Variants in GGT7 observed in about 807,000 individuals in gnomAD.
GGT7 encodes the protein gamma-glutamyltransferase 7, also known as glutathione hydrolase 7.
GGT7 carries 30 observed loss-of-function variants against 69.2 expected under a neutral mutation model. That is an observed-to-expected ratio of 0.43 (90% CI 0.32 to 0.59). The LOEUF (loss-of-function observed/expected upper bound fraction) is 0.59. Among genes scored for constraint, GGT7 ranks in the 20% least tolerant of loss-of-function variants. GGT7 has a pLI of 0.05. For missense variants in GGT7, 733 were observed against 901.1 expected (o/e 0.81, Z 2.39); for synonymous variants, 388 against 391.8 (o/e 0.99, Z 0.12).
chr20:34,860,723 G>A (rs1345527636), intron 4 of GGT7, among the ~76,000 whole-genome samples: 1 of 145,504 alleles, frequency 6.9e-6, no homozygotes, highest in Non-Finnish European at 1.5e-5. Flanking sequence ...TCCAACTCCT[G>A]GGCTCAAGTC....
At chr20:34,850,728 C>G in intron 13 of GGT7, 1 of 410,366 alleles carries the variant, frequency 2.4e-6, no homozygotes, top group Non-Finnish European at 4.9e-6. Flanking sequence ...ATTGGTAGCA[C>G]TTGGGCCGGA....
rs1437016931 is a variant in GGT7 at position 34,863,226 on chromosome 20, A to T, written c.405+87T>A. 1 of 1,037,782 alleles carries T rather than the reference A, an allele frequency of 9.6e-7. No homozygotes were observed. The highest frequency in any genetic ancestry group is 1.4e-6 in the Non-Finnish European group (1 of 697,748). The allele number at this position is 1,037,782 out of a possible 1,614,324, so 64.3% of individuals were successfully genotyped here. The stretch of plus-strand genomic sequence containing the variant: ...CACCCTCTCTCCCCTTCTACCACTC[A>T]GCCATTCCCCAGTTTCCACAGTTCC... On this transcript the variant is annotated intron_variant, in intron 2 of 14. Transcript: ENST00000336431. The surrounding 1 kb of genome is among the most constrained non-coding windows in gnomAD (Gnocchi z 4.4).
Position 34,872,332 on chromosome 20 carries a change from T to C in GGT7, c.169+315A>G, listed in dbSNP as rs1045891429. The stretch of plus-strand genomic sequence containing the variant: ...TCTGTGGCTAGAGAAAGCCCTCTTC[T>C]GGGTGATCACAGCGGTTCCTTAGGA... On this transcript the variant is annotated intron_variant, in intron 1 of 14. Transcript: ENST00000336431. 1.7e-5 allele frequency: 4 copies of C among 230,792 alleles called. No homozygotes were observed. The East Asian group carries it at 2.5e-4, about 14-fold the overall frequency. 14.3% of individuals were successfully genotyped at this position (230,792 alleles called of 1,614,324 possible).
intron 7 of GGT7, among the ~76,000 whole-genome samples, chr20:34,859,058 TA>T (rs1342116388): frequency 6.6e-6 from 1 of 151,972 alleles, no homozygotes; most frequent in Non-Finnish European, 1.5e-5. Context: ...TAATCCCAGT[TA>T]CTCGGGAGGC....
Position 34,845,287 on chromosome 20 carries a change from T to G in GGT7, c.*41A>C, listed in dbSNP as rs768554178. 2 of 1,573,394 alleles carry G rather than the reference T, an allele frequency of 1.3e-6. No homozygotes were observed. Among genetic ancestry groups the G allele is most frequent in the Non-Finnish European group, 1.7e-6 (2 of 1,155,906 alleles). ...GGGAGAAGGAGGGACTCTGGGAACA[T>G]GCAAAGTGGGGGAGCAGAGACCCCG... is the stretch of plus-strand genomic sequence containing the variant. On this transcript the variant is annotated 3_prime_UTR_variant, in exon 15 of 15. Transcript: ENST00000336431.
Position 34,860,341 on chromosome 20 carries a change from G to A in GGT7, c.676-20C>T, listed in dbSNP as rs1382336747. On this transcript the variant is annotated intron_variant, in intron 4 of 14. Transcript: ENST00000336431. Reference sequence around the variant, plus strand: ...CCCAGGCTGGGCAAGGCGGGTAGGCGAGGGAGAGAGGAGACCAGGTCACTG... The same window carrying A: ...CCCAGGCTGGGCAAGGCGGGTAGGCAAGGGAGAGAGGAGACCAGGTCACTG... 3.8e-6 allele frequency: 6 copies of A among 1,597,536 alleles called. No individual in the cohort carries two copies. Among genetic ancestry groups the A allele is most frequent in the East Asian group, 2.2e-5 (1 of 44,780 alleles).
At chr20:34,852,577 C>T in intron 10 of GGT7, 39 bp from the exon 11 acceptor site, 1 of 1,537,320 alleles carries the variant, frequency 6.5e-7, no homozygotes, top group Non-Finnish European at 8.7e-7. Flanking sequence ...AAACAACAGG[C>T]TCTCAATACA....
intron 13 of GGT7, chr20:34,850,724 A>G (rs900795810): frequency 5.0e-6 from 2 of 401,090 alleles, no homozygotes; most frequent in African/African-American, 4.1e-5. Flanking sequence ...ACAAATTGGT[A>G]GCACTTGGGC....
intron 1 of GGT7, among the ~76,000 whole-genome samples, chr20:34,865,764 C>T (rs2079680363): frequency 6.6e-6 from 1 of 152,206 alleles, no homozygotes; most frequent in Non-Finnish European, 1.5e-5. Context: ...TTGACCAGGG[C>T]TGAGACCCTC....
At position 34,851,248 on chromosome 20, in the gene GGT7, G is replaced by A; in HGVS notation, c.1708C>T (p.Leu570Phe). The A allele has an allele frequency of 6.2e-7, 1 of 1,613,618 alleles. No homozygotes were observed. The highest frequency in any genetic ancestry group is 8.5e-7 in the Non-Finnish European group (1 of 1,179,996). The change falls in exon 13 of 15, where the codon CTC (leucine) becomes TTC (phenylalanine). Residue 570 changes from leucine to phenylalanine, a missense_variant. By Grantham distance (22) the Leu-to-Phe change is conservative. Coordinates refer to ENST00000336431, the MANE Select transcript of GGT7 (RefSeq NM_178026.3). ...AACCTCACCTGTGTCAGGCCGCTGA[G>A]GCCCCGCGCAGCTCCATTGGCCCCC... ...ALGANGAARG[L>F]SGLTQVLLNV...
At chr20:34,865,848 G>C (rs1334997178) in intron 1 of GGT7, among the ~76,000 whole-genome samples, 1 of 152,184 alleles carries the variant, frequency 6.6e-6, no homozygotes, top group East Asian at 1.9e-4. Flanking sequence ...AAAGGTCCTA[G>C]GTGTTTGTGA....
chr20:34,869,423 T>G lies in GGT7; in HGVS notation c.169+3224A>C, dbSNP rs2079745114. 3.3e-5 allele frequency among the ~76,000 whole-genome samples: 5 copies of G among 152,210 alleles called. 1 individual carries two copies. The South Asian group carries it at 1.0e-3, about 32-fold the overall frequency. ...CTGAGCTCAAGCAATCTGCCCACCTTAGCCTCCCAAAATGCTGGGATTACA... is the reference window on the plus strand; with the variant it reads ...CTGAGCTCAAGCAATCTGCCCACCTGAGCCTCCCAAAATGCTGGGATTACA... On this transcript the variant is annotated intron_variant, in intron 1 of 14. Coordinates refer to ENST00000336431, the MANE Select transcript of GGT7 (RefSeq NM_178026.3).
At chr20:34,860,693 A>G (rs6120746) in intron 4 of GGT7, among the ~76,000 whole-genome samples, 97,058 of 143,572 alleles carry the variant, frequency 0.68, 33,796 homozygotes, top group African/African-American at 0.87. Flanking sequence ...ACAGTGGCAT[A>G]GTCATAGCTC....
Position 34,859,653 on chromosome 20 carries a change from C to A in GGT7, c.818-14G>T, listed in dbSNP as rs376669183. 7 of 1,573,678 alleles carry A rather than the reference C, an allele frequency of 4.4e-6. No homozygotes were observed. The highest frequency in any genetic ancestry group is 6.1e-6 in the Non-Finnish European group (7 of 1,156,880). ...CCAGGGCACGGGCTAGGGGCAGGGA[C>A]GGGAGGCTGGGCAGGGCGGGACGCC... On this transcript the variant is annotated splice_polypyrimidine_tract_variant and intron_variant, in intron 6 of 14. Transcript: ENST00000336431.
chr20:34,854,502 G>A lies in GGT7; in HGVS notation c.1319+29C>T, dbSNP rs567850163. ...TTTCCCCACACCCACCGCTGCCTCT[G>A]TAGCCCCCAGGTCCTGCCCAAGACC... On this transcript the variant is annotated intron_variant, in intron 10 of 14. Transcript: ENST00000336431. The A allele has an allele frequency of 3.6e-6, 5 of 1,406,438 alleles. No homozygotes were observed. The Admixed American group carries it at 6.8e-5, about 19-fold the overall frequency. The allele number at this position is 1,406,438 out of a possible 1,614,324, so 87.1% of individuals were successfully genotyped here.
At position 34,863,196 on chromosome 20, in the gene GGT7, G is replaced by C; in HGVS notation, c.405+117C>G. On this transcript the variant is annotated intron_variant, in intron 2 of 14. Transcript: ENST00000336431. This position sits in a 1 kb window ranked among gnomAD's most constrained non-coding sequence, Gnocchi z 4.4. ...TCTCTTTGGGACCTTCCTCTCCCAA[G>C]TCACCACCCTCTCTCCCCTTCTACC... The C allele has an allele frequency of 1.2e-6, 1 of 868,010 alleles. No homozygotes were observed. Among genetic ancestry groups the C allele is most frequent in the Non-Finnish European group, 1.8e-6 (1 of 551,436 alleles). 53.8% of individuals were successfully genotyped at this position (868,010 alleles called of 1,614,324 possible).
In GGT7 at chr20:34,863,770, AG is replaced by A; in HGVS notation, c.170-223del. ...GGACCTCCCCAGCTGGGCAGCAGGG[AG>A]GCTGGATTCCCGCCCCTCCCTGATA... On this transcript the variant is annotated intron_variant, in intron 1 of 14. Coordinates refer to ENST00000336431, the MANE Select transcript of GGT7 (RefSeq NM_178026.3). The surrounding 1 kb of genome is among the most constrained non-coding windows in gnomAD (Gnocchi z 4.4). 1 of 709,860 alleles carries A rather than the reference AG, an allele frequency of 1.4e-6. No homozygotes were observed. Among genetic ancestry groups the A allele is most frequent in the East Asian group, 2.7e-5 (1 of 36,916 alleles). The allele number at this position is 709,860 out of a possible 1,614,324, so 44.0% of individuals were successfully genotyped here. A position where few individuals can be genotyped will look rare whatever the true frequency, so the allele number is the denominator to read the frequency against.
Position 34,863,432 on chromosome 20 carries a change from C to T in GGT7, c.286G>A (p.Ala96Thr). Residue 96 changes from alanine to threonine, a missense_variant, in exon 2 of 15, where the codon GCA (alanine) becomes ACA (threonine). Ala to Thr is a moderately conservative substitution (Grantham distance 58, BLOSUM62 0). Transcript: ENST00000336431. This position sits in a 1 kb window ranked among gnomAD's most constrained non-coding sequence, Gnocchi z 4.4. ...RETRKDPFSA[A>T]AAECSCRQDG... ...TGGCGGCAGGAGCACTCGGCCGCTG[C>T]GGCGGAGAACGGGTCTTTGCGCGTC... is the stretch of plus-strand genomic sequence containing the variant. The T allele has an allele frequency of 1.2e-6, 2 of 1,613,356 alleles. No homozygotes were observed. Among genetic ancestry groups the T allele is most frequent in the South Asian group, 1.1e-5 (1 of 91,032 alleles).
intron 1 of GGT7, among the ~76,000 whole-genome samples, chr20:34,865,842 G>A (rs369467341): frequency 6.6e-6 from 1 of 152,280 alleles, no homozygotes; most frequent in African/African-American, 2.4e-5. Context: ...TGGCCTAAAG[G>A]TCCTAGGTGT....
Sources: allele counts gnomAD v4.1 joint callset (sites outside exome capture counted in the v4.1 genomes callset), GRCh38; gene constraint gnomAD v4.1.1; non-coding constraint Gnocchi (gnomAD v3.1); transcripts MANE v1.5; gene names NCBI Gene and HGNC (gene_info 2026-07-23, HGNC 2026-07-21).